WNK1: variants seen among roughly 807,000 people sequenced by gnomAD.
WNK1 encodes serine/threonine-protein kinase WNK1.
A neutral mutation model predicts 222.8 loss-of-function variants in WNK1; 38 were observed. That is an observed-to-expected ratio of 0.17 (90% confidence interval 0.13 to 0.22). The LOEUF (loss-of-function observed/expected upper bound fraction) is 0.22. Among genes scored for constraint, WNK1 ranks in the 10% least tolerant of loss-of-function variants. WNK1 has a pLI of 1.00. For missense variants in WNK1, 2,348 were observed against 2,918.4 expected (o/e 0.80, Z 4.50); for synonymous variants, 1,090 against 1,092.9 (o/e 1.00, Z 0.05).
At chr12:873,805 T>C (rs1464064685) in intron 9 of WNK1, among the ~76,000 whole-genome samples, 8 of 152,206 alleles carry the variant, frequency 5.3e-5, no homozygotes, top group Admixed American at 5.2e-4. Context: ...AATCCCACCT[T>C]AGAGAACCAT....
intron 9 of WNK1, among the ~76,000 whole-genome samples, chr12:871,787 G>C (rs1323620849): frequency 6.6e-6 from 1 of 152,072 alleles, no homozygotes; most frequent in Admixed American, 6.6e-5. Flanking sequence ...ATTTTTAGTA[G>C]AGACGGGGTT....
chr12:808,410 G>A (rs1946579018), intron 1 of WNK1, among the ~76,000 whole-genome samples: 1 of 151,700 alleles, frequency 6.6e-6, no homozygotes, highest in Non-Finnish European at 1.5e-5. Context: ...CCCAGCCCTA[G>A]TTTGCCATTT....
At chr12:854,304 A>G (rs1004587400) in intron 4 of WNK1, among the ~76,000 whole-genome samples, 1 of 149,806 alleles carries the variant, frequency 6.7e-6, no homozygotes, top group African/African-American at 2.4e-5. Context: ...GTAAGCCACA[A>G]TCCCACCACT....
At chr12:802,778 G>T (rs1591771139) in intron 1 of WNK1, among the ~76,000 whole-genome samples, 2 of 152,288 alleles carry the variant, frequency 1.3e-5, no homozygotes, top group East Asian at 3.9e-4. Flanking sequence ...TTACATAAAT[G>T]AAACTACAGT....
At chr12:852,014 C>G (rs1000439093) in intron 4 of WNK1, among the ~76,000 whole-genome samples, 1 of 151,948 alleles carries the variant, frequency 6.6e-6, no homozygotes, top group African/African-American at 2.4e-5. Context: ...AAAAGTTTAC[C>G]TTTATTAAGA....
At chr12:829,505 G>C (rs1948630836) in intron 3 of WNK1, among the ~76,000 whole-genome samples, 1 of 152,136 alleles carries the variant, frequency 6.6e-6, no homozygotes, top group Non-Finnish European at 1.5e-5. Flanking sequence ...TAATTAGATT[G>C]AGTGTTAATG....
At chr12:773,807 TATAA>T (rs1321231162) in intron 1 of WNK1, among the ~76,000 whole-genome samples, 1 of 152,058 alleles carries the variant, frequency 6.6e-6, no homozygotes, top group Non-Finnish European at 1.5e-5. Flanking sequence ...TAAGAATTAG[TATAA>T]ATATTTTTAA....
chr12:829,918 A>T (rs1948665776), intron 3 of WNK1, 85 bp from the exon 4 acceptor site: 2 of 1,450,456 alleles, frequency 1.4e-6, no homozygotes, highest in Non-Finnish European at 1.9e-6. Flanking sequence ...TCTCTCTCAC[A>T]GGTCAACCCC....
At chr12:839,906 T>TTTTA (rs1555118662) in intron 4 of WNK1, among the ~76,000 whole-genome samples, 1 of 140,760 alleles carries the variant, frequency 7.1e-6, no homozygotes, top group Admixed American at 7.5e-5. Context: ...TTTTTTTTTT[T>TTTTA]AAGTAGAGAT....
intron 4 of WNK1, 54 bp downstream of exon 4, chr12:830,214 C>A: frequency 6.3e-7 from 1 of 1,588,940 alleles, no homozygotes; most frequent in Non-Finnish European, 8.6e-7. Flanking sequence ...ACAAAGAATC[C>A]CAAGGTGGAT....
At chr12:879,471 T>TTTTTTTTTGC in intron 10 of WNK1, 102 bp from the exon 11 acceptor site, 3 of 749,696 alleles carry the variant, frequency 4.0e-6, no homozygotes, top group South Asian at 2.0e-5. Flanking sequence ...TGTTTTTTCC[T>TTTTTTTTTGC]TCTTTTTGGC....
At chr12:842,542 C>T (rs958970583) in intron 4 of WNK1, among the ~76,000 whole-genome samples, 1 of 152,084 alleles carries the variant, frequency 6.6e-6, no homozygotes, top group Admixed American at 6.5e-5. Flanking sequence ...TTACTACTCT[C>T]ACTTTGTTCT....
intron 25 of WNK1, among the ~76,000 whole-genome samples, chr12:900,093 C>T (rs893819663): frequency 1.5e-5 from 2 of 133,566 alleles, no homozygotes; most frequent in Non-Finnish European, 3.1e-5. Flanking sequence ...TCAAGCAATT[C>T]TCCTTCCTCA....
At chr12:776,952 G>A (rs1438944763) in intron 1 of WNK1, among the ~76,000 whole-genome samples, 1 of 152,190 alleles carries the variant, frequency 6.6e-6, no homozygotes, top group Non-Finnish European at 1.5e-5. Context: ...ACACAGAGTA[G>A]CTATTCATTC....
intron 4 of WNK1, among the ~76,000 whole-genome samples, chr12:855,225 G>C (rs1950693142): frequency 6.6e-6 from 1 of 152,178 alleles, no homozygotes; most frequent in Non-Finnish European, 1.5e-5. Context: ...GAAAAACTTA[G>C]GTGGAGTTGG....
At chr12:826,822 G>C (rs1948394448) in intron 2 of WNK1, among the ~76,000 whole-genome samples, 1 of 152,022 alleles carries the variant, frequency 6.6e-6, no homozygotes, top group Non-Finnish European at 1.5e-5. Flanking sequence ...AGATGAAAAA[G>C]CATTTGGAAG....
intron 25 of WNK1, among the ~76,000 whole-genome samples, chr12:898,949 C>A (rs1954983747): frequency 1.3e-5 from 2 of 152,108 alleles, no homozygotes; most frequent in South Asian, 4.1e-4. Context: ...CTATGTTGGC[C>A]AGGCTGGTCT....
chr12:898,022 T>C (rs997265124), intron 25 of WNK1, among the ~76,000 whole-genome samples: 3 of 152,214 alleles, frequency 2.0e-5, no homozygotes, highest in African/African-American at 7.2e-5. Context: ...TGGAAGAAAA[T>C]ACATTATTCT....
intron 4 of WNK1, among the ~76,000 whole-genome samples, chr12:851,039 A>G (rs753862521): frequency 1.1e-4 from 17 of 152,314 alleles, no homozygotes; most frequent in Non-Finnish European, 1.9e-4. Context: ...CTACCTTAAT[A>G]TCACTGCCTT....
Sources: allele counts gnomAD v4.1 joint callset (sites outside exome capture counted in the v4.1 genomes callset), GRCh38; gene constraint gnomAD v4.1.1; transcripts MANE v1.5; gene names NCBI Gene and HGNC (gene_info 2026-07-23, HGNC 2026-07-21).